Variants in OPN3 observed in about 807,000 individuals in gnomAD.
OPN3 encodes the protein opsin-3.
In OPN3, 29 loss-of-function variants were observed where a neutral mutation model predicts 33.8. The observed-to-expected ratio is 0.86, with a 90% CI of 0.64 to 1.17. The LOEUF is 1.17. Ranked by LOEUF, OPN3 falls within the 50% of genes most tolerant of loss-of-function variation. The pLI, the probability that OPN3 is intolerant of heterozygous loss-of-function variation, is 0.00. For synonymous variants in OPN3, 216 were observed against 216.1 expected, an observed-to-expected ratio of 1.00 and a Z score of 0.00; for missense variants, 437 against 514.1, an observed-to-expected ratio of 0.85 and a Z score of 1.45.
rs147007550 is a variant in OPN3 at position 241,594,444 on chromosome 1, T to G, written c.1193A>C (p.Gln398Pro). 2.5e-6 allele frequency: 4 copies of G among 1,613,102 alleles called. No individual in the cohort carries two copies. Among genetic ancestry groups the G allele is most frequent in the Non-Finnish European group, 2.5e-6 (3 of 1,179,140 alleles). Reference protein sequence around the residue: ...KTNGSKVDVIQVRPL With the variant: ...KTNGSKVDVIPVRPL ...TCTTCATTCCTACAAAGGACGAACTTGGATTACATCAACTTTGGACCCATT... is the reference window on the plus strand; with the variant it reads ...TCTTCATTCCTACAAAGGACGAACTGGGATTACATCAACTTTGGACCCATT... The change falls in exon 4 of 4, where the codon CAA becomes CCA. Residue 398 changes from glutamine (Q) to proline (P), a missense_variant. Transcript: ENST00000366554.
Position 241,627,039 on chromosome 1 carries a change from A to G in OPN3, c.373+12843T>C, listed in dbSNP as rs369117791. On this transcript the variant is annotated intron_variant, in intron 1 of 3. Transcript: ENST00000366554. ...ATGCCTTAATATTAAATAGTTGTCCAGAGTGTATTAGAATTAAATATATAT... is the reference window on the plus strand; with the variant it reads ...ATGCCTTAATATTAAATAGTTGTCCGGAGTGTATTAGAATTAAATATATAT... Among the ~76,000 whole-genome samples, 7 of 152,306 alleles carry G rather than the reference A, an allele frequency of 4.6e-5. No homozygotes were observed. In the East Asian group the frequency reaches 1.3e-3, roughly 29 times the overall value.
rs371441164 is a variant in OPN3 at position 241,634,547 on chromosome 1, T to C, written c.373+5335A>G. 21 of 1,613,850 alleles carry C rather than the reference T, an allele frequency of 1.3e-5. No homozygotes were observed. In the African/African-American group the frequency reaches 2.0e-4, roughly 15 times the overall value. ...AGATTCTTTGTCGACTACAAAGCATTGTACTTTATGACGAAGACAATAGAT... is the reference window on the plus strand; with the variant it reads ...AGATTCTTTGTCGACTACAAAGCATCGTACTTTATGACGAAGACAATAGAT... On this transcript the variant is annotated intron_variant, in intron 1 of 3. Coordinates refer to ENST00000366554, the MANE Select transcript of OPN3 (RefSeq NM_014322.3).
chr1:241,638,434 C>T (rs1664986203), intron 1 of OPN3, among the ~76,000 whole-genome samples: 1 of 152,170 alleles, frequency 6.6e-6, no homozygotes. Flanking sequence ...ACAGAAAAGG[C>T]ACTTCAAGGA....
At chr1:241,604,620 G>A in intron 1 of OPN3, 41 bp from the exon 2 acceptor site, 1 of 1,545,458 alleles carries the variant, frequency 6.5e-7, no homozygotes, top group South Asian at 1.2e-5. Flanking sequence ...ATGGTGCAGG[G>A]GGAAACCGGG....
At chr1:241,616,184 C>T (rs1237124025) in intron 1 of OPN3, among the ~76,000 whole-genome samples, 1 of 152,116 alleles carries the variant, frequency 6.6e-6, no homozygotes, top group East Asian at 1.9e-4. Context: ...CCTCTATTCC[C>T]TTACTTTTGA....
At chr1:241,613,536 T>C (rs1664049774) in intron 1 of OPN3, among the ~76,000 whole-genome samples, 1 of 152,244 alleles carries the variant, frequency 6.6e-6, no homozygotes, top group Non-Finnish European at 1.5e-5. Context: ...ACGTATGTTC[T>C]GTAACCATGT....
At position 241,596,108 on chromosome 1, in the gene OPN3, C is replaced by T. The variant is rs559287378; in HGVS notation, c.946-1417G>A. On this transcript the variant is annotated intron_variant, in intron 3 of 3. Transcript: ENST00000366554. ...AGAATATTCATTTATTACAAGATTTCCAGGTGTGGTGTATGCACATTAAAG... is the reference window on the plus strand; with the variant it reads ...AGAATATTCATTTATTACAAGATTTTCAGGTGTGGTGTATGCACATTAAAG... Among the ~76,000 whole-genome samples, 956 of 152,292 alleles carry T rather than the reference C, an allele frequency of 6.3e-3. 2 individuals carry two copies. Among genetic ancestry groups the T allele is most frequent in the Non-Finnish European group, 8.9e-3 (606 of 68,022 alleles).
chr1:241,632,883 T>C (rs1391710386), intron 1 of OPN3: 1 of 152,102 alleles, frequency 6.6e-6, no homozygotes, highest in Non-Finnish European at 1.5e-5. Flanking sequence ...TGTTTCTCCT[T>C]AGGAATTCCT....
intron 1 of OPN3, chr1:241,635,905 C>G: frequency 1.3e-6 from 1 of 776,950 alleles, no homozygotes; most frequent in Non-Finnish European, 2.0e-6. Flanking sequence ...TTAACGGTTA[C>G]CCTTTTAAAA....
intron 2 of OPN3, among the ~76,000 whole-genome samples, chr1:241,599,011 G>T (rs889026897): frequency 3.3e-5 from 5 of 151,820 alleles, no homozygotes; most frequent in African/African-American, 4.8e-5. Context: ...TTAAGAGAAA[G>T]AATTTCCAAA....
intron 1 of OPN3, among the ~76,000 whole-genome samples, chr1:241,617,633 C>T (rs949288592): frequency 2.8e-4 from 42 of 152,130 alleles, no homozygotes; most frequent in African/African-American, 8.2e-4. Context: ...ATGGAGAGCA[C>T]GGAAACACAG....
chr1:241,625,327 T>C lies in OPN3; in HGVS notation c.373+14555A>G, dbSNP rs547683677. 1.3e-4 allele frequency among the ~76,000 whole-genome samples: 20 copies of C among 152,288 alleles called. No homozygotes were observed. In the South Asian group the frequency reaches 4.1e-3, roughly 32 times the overall value. The stretch of plus-strand genomic sequence containing the variant: ...AGGCTTCTCCGAAGCCATACTATTG[T>C]TATATATGTGTAATTTGATTAATTT... On this transcript the variant is annotated intron_variant, in intron 1 of 3. Transcript: ENST00000366554.
intron 3 of OPN3, 93 bp downstream of exon 3, chr1:241,597,653 G>C: frequency 1.8e-6 from 2 of 1,140,140 alleles, no homozygotes; most frequent in East Asian, 5.4e-5. Flanking sequence ...TTTTTTAATT[G>C]AAGCGACTCT....
Position 241,594,332 on chromosome 1 carries a change from T to C in OPN3, c.*96A>G, listed in dbSNP as rs1663428867. On this transcript the variant is annotated 3_prime_UTR_variant, in exon 4 of 4. Coordinates refer to ENST00000366554, the MANE Select transcript of OPN3 (RefSeq NM_014322.3). ...CTGCTGGACCACAAGGTTCTGTTGA[T>C]ATTACATAGAACGGGTATTCCAGAC... 1 of 1,327,056 alleles carries C rather than the reference T, an allele frequency of 7.5e-7. No homozygotes were observed. Among genetic ancestry groups the C allele is most frequent in the African/African-American group, 1.5e-5 (1 of 68,578 alleles). 82.2% of individuals were successfully genotyped at this position (1,327,056 alleles called of 1,614,324 possible). A position where few individuals can be genotyped will look rare whatever the true frequency, so the allele number is the denominator to read the frequency against.
intron 1 of OPN3, among the ~76,000 whole-genome samples, chr1:241,613,679 C>T (rs760394228): frequency 1.3e-5 from 2 of 152,060 alleles, no homozygotes; most frequent in Non-Finnish European, 2.9e-5. Flanking sequence ...TTCCATTTGA[C>T]CAATAAAAGC....
chr1:241,597,594 A>G, intron 3 of OPN3, 152 bp downstream of exon 3: 2 of 672,788 alleles, frequency 3.0e-6, no homozygotes, highest in African/African-American at 3.6e-5. Flanking sequence ...CTTTGGAAAT[A>G]TTCTACATTT....
Position 241,594,654 on chromosome 1 carries a change from A to G in OPN3, c.983T>C (p.Leu328Pro). Residue 328 changes from leucine to proline, a missense_variant, in exon 4 of 4, where the codon CTG (leucine) becomes CCG (proline). Transcript: ENST00000366554. ...RSLLQLLCLR[L>P]LRCQRPAKDL... is the part of the protein sequence containing the mutation. ...TTTAGCAGGCCTCTGGCACCTCAGC[A>G]GTCGGAGGCACAGAAGCTGCAAAAG... is the stretch of plus-strand genomic sequence containing the variant. 1 of 1,614,088 alleles carries G rather than the reference A, an allele frequency of 6.2e-7. No homozygotes were observed.
chr1:241,594,805 G>T, intron 3 of OPN3, 114 bp from the exon 4 acceptor site: 2 of 1,210,784 alleles, frequency 1.7e-6, no homozygotes, highest in Non-Finnish European at 2.3e-6. Context: ...TTGTTAGCAG[G>T]TGTGGATGTG....
At chr1:241,594,767 G>T (rs1436513199) in intron 3 of OPN3, 76 bp from the exon 4 acceptor site, 1 of 1,523,306 alleles carries the variant, frequency 6.6e-7, no homozygotes, top group African/African-American at 1.4e-5. Flanking sequence ...GAGGAAATCA[G>T]TTGAGCTGAA....
Sources: allele counts gnomAD v4.1 joint callset (sites outside exome capture counted in the v4.1 genomes callset), GRCh38; gene constraint gnomAD v4.1.1; transcripts MANE v1.5; gene names NCBI Gene and HGNC (gene_info 2026-07-23, HGNC 2026-07-21).